PALM: variants seen among roughly 807,000 people sequenced by gnomAD.
PALM encodes paralemmin-1.
Under a neutral mutation model 30.7 loss-of-function variants are expected in PALM, and 18 were observed. The observed-to-expected ratio is 0.59, with a 90% confidence interval of 0.41 to 0.87. The LOEUF (loss-of-function observed/expected upper bound fraction) is 0.87, where lower values mean the gene tolerates loss of function less well. Ranked by LOEUF, PALM falls within the 40% of genes least tolerant of loss-of-function variation. The pLI, the probability that PALM is intolerant of heterozygous loss-of-function variation, is 0.00. For synonymous variants in PALM, 286 were observed against 242.8 expected (o/e 1.18, Z -1.66); for missense variants, 529 against 555.4 (o/e 0.95, Z 0.48).
At chr19:721,393 G>A (rs1256568646) in intron 1 of PALM, among the ~76,000 whole-genome samples, 1 of 152,050 alleles carries the variant, frequency 6.6e-6, no homozygotes, top group Non-Finnish European at 1.5e-5. Context: ...AGCCTCCCGA[G>A]TAGCTGGGAT....
chr19:732,293 C>G (rs1295865620), intron 5 of PALM, among the ~76,000 whole-genome samples: 1 of 152,174 alleles, frequency 6.6e-6, no homozygotes, highest in Non-Finnish European at 1.5e-5. Context: ...AAGTAAAAAT[C>G]GCAGCCCACA....
chr19:734,428 G>A, intron 6 of PALM: 1 of 552,708 alleles, frequency 1.8e-6, no homozygotes, highest in South Asian at 2.1e-5. Context: ...AGCCGGGTGT[G>A]GTGGCTCATG....
chr19:710,628 C>T (rs2032043438), intron 1 of PALM, among the ~76,000 whole-genome samples: 1 of 151,600 alleles, frequency 6.6e-6, no homozygotes, highest in Non-Finnish European at 1.5e-5. Context: ...ACGGGGGATA[C>T]TGAGGCCCAG....
chr19:718,104 C>A (rs923240859), intron 1 of PALM, among the ~76,000 whole-genome samples: 4 of 152,176 alleles, frequency 2.6e-5, no homozygotes, highest in Non-Finnish European at 5.9e-5. Context: ...ATCACTTGAA[C>A]CCAGGAGGCG....
chr19:710,744 A>G (rs2032050778), intron 1 of PALM, among the ~76,000 whole-genome samples: 1 of 146,336 alleles, frequency 6.8e-6, no homozygotes. Flanking sequence ...GTCCTGGGTC[A>G]GAGGGTGGCC....
chr19:738,526 CA>C (rs948053381), intron 7 of PALM, among the ~76,000 whole-genome samples: 76 of 143,048 alleles, frequency 5.3e-4, no homozygotes, highest in Non-Finnish European at 4.2e-4. Context: ...AACTTTGTCT[CA>C]AAAAAAAAAA....
At chr19:719,897 C>T (rs992463208) in intron 1 of PALM, among the ~76,000 whole-genome samples, 1 of 152,156 alleles carries the variant, frequency 6.6e-6, no homozygotes, top group East Asian at 1.9e-4. Flanking sequence ...CGGTTTGTGG[C>T]CGTTTTGATC....
chr19:717,005 C>A (rs2032285328), intron 1 of PALM, among the ~76,000 whole-genome samples: 1 of 151,972 alleles, frequency 6.6e-6, no homozygotes, highest in African/African-American at 2.4e-5. Context: ...TCCCGGCTCA[C>A]TGCAACCTCC....
chr19:717,811 C>T (rs1171339171), intron 1 of PALM, among the ~76,000 whole-genome samples: 3 of 152,140 alleles, frequency 2.0e-5, no homozygotes, highest in African/African-American at 7.2e-5. Context: ...CCCTAATCGA[C>T]TCCCTGGGGC....
chr19:709,065 CCCCCT>C lies in PALM; in HGVS notation c.-67_-63del, dbSNP rs935225621. The stretch of plus-strand genomic sequence containing the variant: ...CGCCCCGGCCCCCGCCAGGCCGCGT[CCCCCT>C]CCCCTCCCCTCCCCCGCGCGCCACC... On this transcript the variant is annotated 5_prime_UTR_variant, in exon 1 of 9. Transcript: ENST00000338448. This position sits in a 1 kb window ranked among gnomAD's most constrained non-coding sequence, Gnocchi z 4.3. The C allele has an allele frequency of 4.2e-4, 91 of 217,612 alleles. No homozygotes were observed. Among genetic ancestry groups the C allele is most frequent in the African/African-American group, 5.2e-4 (21 of 40,194 alleles). 13.5% of individuals were successfully genotyped at this position (217,612 alleles called of 1,614,324 possible).
chr19:726,996 C>CCCCA lies in PALM; in HGVS notation c.58-10_58-9insCACC. The CCCCA allele has an allele frequency of 7.5e-7, 1 of 1,335,656 alleles. No homozygotes were observed. The highest frequency in any genetic ancestry group is 1.0e-6 in the Non-Finnish European group (1 of 961,970). The allele number at this position is 1,335,656 out of a possible 1,614,324, so 82.7% of individuals were successfully genotyped here. On this transcript the variant is annotated splice_polypyrimidine_tract_variant and intron_variant, in intron 2 of 8. Transcript: ENST00000338448. Reference sequence around the variant, plus strand: ...CACGCCCATCCCTGACCCCACCCGGCCCTCCCCACAGGAGAAGCGGAAGCG... The same window carrying CCCCA: ...CACGCCCATCCCTGACCCCACCCGGCCCCACCTCCCCACAGGAGAAGCGGAAGCG...
intron 1 of PALM, among the ~76,000 whole-genome samples, chr19:725,432 G>A (rs1320145864): frequency 6.6e-6 from 1 of 152,064 alleles, no homozygotes; most frequent in East Asian, 1.9e-4. Flanking sequence ...GTGGTGGCAG[G>A]CACCTGTCAT....
rs1251906015 is a variant in PALM at position 747,110 on chromosome 19, G to A, written c.*296G>A. ...CCCATGTCACGGCAGCTTCACAGACGCGGCTCGCGCCCACCGGGGTCCTGG... is the reference window on the plus strand; with the variant it reads ...CCCATGTCACGGCAGCTTCACAGACACGGCTCGCGCCCACCGGGGTCCTGG... On this transcript the variant is annotated 3_prime_UTR_variant, in exon 9 of 9. Transcript: ENST00000338448. The A allele has an allele frequency of 2.4e-5, 8 of 338,098 alleles. No individual in the cohort carries two copies. Among genetic ancestry groups the A allele is most frequent in the South Asian group, 1.2e-4 (3 of 24,358 alleles). 20.9% of individuals were successfully genotyped at this position (338,098 alleles called of 1,614,324 possible). A position where few individuals can be genotyped will look rare whatever the true frequency, so the allele number is the denominator to read the frequency against.
At chr19:719,568 C>T in intron 1 of PALM, 2 of 986,436 alleles carry the variant, frequency 2.0e-6, no homozygotes, top group Non-Finnish European at 2.4e-6. Flanking sequence ...ACCCCCAGCA[C>T]CTGCCCTGGG....
At position 709,624 on chromosome 19, in the gene PALM, C is replaced by T. The variant is rs568254206; in HGVS notation, c.5+473C>T. Among the ~76,000 whole-genome samples, 185 of 152,126 alleles carry T rather than the reference C, an allele frequency of 1.2e-3. No homozygotes were observed. The highest frequency in any genetic ancestry group is 1.9e-3 in the Non-Finnish European group (131 of 67,918). ...TGGCGCCCTGGACGCGCGCGCGGGC[C>T]GGTGCCCCCCACCCCCGCCCTTCCC... On this transcript the variant is annotated intron_variant, in intron 1 of 8. Transcript: ENST00000338448. The surrounding 1 kb of genome is among the most constrained non-coding windows in gnomAD (Gnocchi z 4.3).
rs1555692206 is a variant in PALM, at chr19:747,385, AG to A, written c.*573del. 1.3e-5 allele frequency: 2 copies of A among 154,622 alleles called. No individual in the cohort carries two copies. Among genetic ancestry groups the A allele is most frequent in the Non-Finnish European group, 2.9e-5 (2 of 69,976 alleles). The allele number at this position is 154,622 out of a possible 1,614,324, so 9.6% of individuals were successfully genotyped here. Reference sequence around the variant, plus strand: ...GGGCTAAAGGTCTTGGGTGGAGGACAGGCCCCTCTGCTGTGCCCCTATGCCC... The same window carrying A: ...GGGCTAAAGGTCTTGGGTGGAGGACAGCCCCTCTGCTGTGCCCCTATGCCC... On this transcript the variant is annotated 3_prime_UTR_variant, in exon 9 of 9. Transcript: ENST00000338448.
chr19:730,779 C>A (rs2032844586), intron 4 of PALM, among the ~76,000 whole-genome samples: 1 of 152,154 alleles, frequency 6.6e-6, no homozygotes, highest in Admixed American at 6.5e-5. Flanking sequence ...GCGGGCAGAT[C>A]ACCTGAGGTC....
At chr19:728,250 G>A (rs1336166682) in intron 4 of PALM, among the ~76,000 whole-genome samples, 3 of 152,216 alleles carry the variant, frequency 2.0e-5, no homozygotes, top group African/African-American at 4.8e-5. Context: ...TGGAGTTTCC[G>A]GCGGGCGGGA....
At chr19:730,422 C>G (rs1482830459) in intron 4 of PALM, among the ~76,000 whole-genome samples, 1 of 152,216 alleles carries the variant, frequency 6.6e-6, no homozygotes, top group Admixed American at 6.5e-5. Context: ...CTGCTTGTCC[C>G]GTTATCTCTT....
Sources: gnomAD v4.1 joint callset for allele counts (sites outside exome capture counted in the v4.1 genomes callset) on GRCh38, gnomAD v4.1.1 for gene constraint, Gnocchi (gnomAD v3.1) non-coding constraint, MANE v1.5 for transcripts, NCBI Gene and HGNC (gene_info 2026-07-23, HGNC 2026-07-21) for gene names.